The following TMEM11 variants were observed in gnomAD, a reference collection of about 807,000 sequenced individuals.
TMEM11 encodes the protein transmembrane protein 11.
Under a neutral mutation model 17.0 loss-of-function variants are expected in TMEM11, and 1 was observed. The observed-to-expected ratio is 0.06, with a 90% CI of 0.02 to 0.28. The LOEUF (loss-of-function observed/expected upper bound fraction) is 0.28. Ranked by LOEUF, TMEM11 falls within the 10% of genes least tolerant of loss-of-function variation. The pLI, the probability that TMEM11 is intolerant of heterozygous loss-of-function variation, is 1.00. For synonymous variants in TMEM11, 122 were observed against 118.1 expected (o/e 1.03, Z -0.21); for missense variants, 172 against 252.9 (o/e 0.68, Z 2.17).
rs201185148 is a variant in TMEM11, at chr17:21,199,087, C to CGG, written c.63-249_63-248dup. Among the ~76,000 whole-genome samples, 293 of 151,396 alleles carry CGG rather than the reference C, an allele frequency of 1.9e-3. 1 individual carries two copies. The highest frequency in any genetic ancestry group is 3.0e-3 in the Non-Finnish European group (206 of 67,810). ...CTGTAATCCTAGCACTTTGGGAGGC[C>CGG]GGGGGGGCGGATCATGAGGTCAGGA... On this transcript the variant is annotated intron_variant, in intron 1 of 1. Transcript: ENST00000317635.
At chr17:21,211,587 G>A (rs1413085153) in intron 1 of TMEM11, among the ~76,000 whole-genome samples, 4 of 152,242 alleles carry the variant, frequency 2.6e-5, no homozygotes, top group Non-Finnish European at 5.9e-5. Context: ...CACGCTACAC[G>A]TGCTAAACTG....
rs535227109 is a variant in TMEM11, at chr17:21,210,037, A to AC, written c.62+4053dup. Among the ~76,000 whole-genome samples the AC allele has an allele frequency of 2.2e-3, 335 of 151,922 alleles. 1 individual carries two copies. The highest frequency in any genetic ancestry group is 3.7e-3 in the Non-Finnish European group (249 of 67,946). Reference sequence around the variant, plus strand: ...CGGTCATGGAGTGCTGCCCAACTCCACCCCCCGCACCTCGCTCATTGAAGA... The same window carrying AC: ...CGGTCATGGAGTGCTGCCCAACTCCACCCCCCCGCACCTCGCTCATTGAAGA... On this transcript the variant is annotated intron_variant, in intron 1 of 1. Transcript: ENST00000317635.
At chr17:21,203,365 C>T (rs1974904210) in intron 1 of TMEM11, among the ~76,000 whole-genome samples, 1 of 152,190 alleles carries the variant, frequency 6.6e-6, no homozygotes, top group Non-Finnish European at 1.5e-5. Context: ...CACTGCTGGG[C>T]CCTTGGGTTC....
chr17:21,203,125 G>C, intron 1 of TMEM11, among the ~76,000 whole-genome samples: 1 of 152,324 alleles, frequency 6.6e-6, no homozygotes, highest in East Asian at 1.9e-4. Context: ...TTTCCACTGG[G>C]AAAGGACAAC....
At chr17:21,213,803 C>T (rs1205217237) in intron 1 of TMEM11, 1 of 458,526 alleles carries the variant, frequency 2.2e-6, no homozygotes, top group East Asian at 4.2e-5. Context: ...CTGCGCTGGG[C>T]GCCAGTTCCT....
chr17:21,198,866 G>C lies in TMEM11; in HGVS notation c.63-26C>G. On this transcript the variant is annotated intron_variant, in intron 1 of 1. Coordinates refer to ENST00000317635, the MANE Select transcript of TMEM11 (RefSeq NM_003876.3). This position sits in a 1 kb window ranked among gnomAD's most constrained non-coding sequence, Gnocchi z 6.5. ...CTTTTGATGGAGGGGGCAGGAAAGG[G>C]AGAGAGAGAGAGAGACAGGATGATT... 7.7e-6 allele frequency: 10 copies of C among 1,290,820 alleles called. No individual in the cohort carries two copies. Among genetic ancestry groups the C allele is most frequent in the African/African-American group, 3.0e-5 (2 of 67,222 alleles). The allele number at this position is 1,290,820 out of a possible 1,614,324, so 80.0% of individuals were successfully genotyped here. A position where few individuals can be genotyped will look rare whatever the true frequency, so the allele number is the denominator to read the frequency against.
intron 1 of TMEM11, among the ~76,000 whole-genome samples, chr17:21,199,499 C>T (rs1050385469): frequency 1.3e-5 from 2 of 152,252 alleles, no homozygotes; most frequent in Admixed American, 6.5e-5. Context: ...GGAGCACACA[C>T]GGCAGCAGAG....
intron 1 of TMEM11, among the ~76,000 whole-genome samples, chr17:21,207,195 G>A (rs1482108437): frequency 6.6e-6 from 1 of 152,128 alleles, no homozygotes; most frequent in African/African-American, 2.4e-5. Context: ...TTCACATATT[G>A]TAAACATAAC....
chr17:21,203,283 T>TCAGCACTCCAACTTCCTGGTA (rs1974903066), intron 1 of TMEM11, among the ~76,000 whole-genome samples: 1 of 152,162 alleles, frequency 6.6e-6, no homozygotes, highest in Admixed American at 6.5e-5. Context: ...GACCAGGCAG[T>TCAGCACTCCAACTTCCTGGTA]CAGCACTCCA....
chr17:21,214,064 T>C, intron 1 of TMEM11, 27 bp downstream of exon 1: 1 of 1,602,802 alleles, frequency 6.2e-7, no homozygotes, highest in Non-Finnish European at 8.5e-7. Flanking sequence ...CCGCCTGCAC[T>C]GGGGGCAACA....
intron 1 of TMEM11, among the ~76,000 whole-genome samples, chr17:21,209,673 G>A (rs1974981700): frequency 6.6e-6 from 1 of 152,184 alleles, no homozygotes; most frequent in African/African-American, 2.4e-5. Flanking sequence ...GGAGGCTGGG[G>A]TGGGAGAATG....
Position 21,198,552 on chromosome 17 carries a change from G to A in TMEM11, c.351C>T (p.Ala117=). 3 of 1,614,222 alleles carry A rather than the reference G, an allele frequency of 1.9e-6. No homozygotes were observed. The highest frequency in any genetic ancestry group is 2.2e-5 in the South Asian group (2 of 91,088). Residue 117 remains alanine, a synonymous_variant, in exon 2 of 2, where the codon GCC becomes GCT. Coordinates refer to ENST00000317635, the MANE Select transcript of TMEM11 (RefSeq NM_003876.3). This position sits in a 1 kb window ranked among gnomAD's most constrained non-coding sequence, Gnocchi z 6.5. ...ISLPAGVLSL[A]CCTLYGISWQ... Reference sequence around the variant, plus strand: ...AGGAGATCCCATAGAGGGTGCAGCAGGCCAGGCTCAGCACACCAGCGGGCA... The same window carrying A: ...AGGAGATCCCATAGAGGGTGCAGCAAGCCAGGCTCAGCACACCAGCGGGCA...
rs891260702 is a variant in TMEM11 at position 21,197,954 on chromosome 17, T to G, written c.*370A>C. ...TCATGGAAAGAGAGAACAGCGGGAGTTGAAATTCTCATAATTTTAATGATC... is the reference window on the plus strand; with the variant it reads ...TCATGGAAAGAGAGAACAGCGGGAGGTGAAATTCTCATAATTTTAATGATC... On this transcript the variant is annotated 3_prime_UTR_variant, in exon 2 of 2. Transcript: ENST00000317635. 6.0e-6 allele frequency: 1 copy of G among 166,518 alleles called. No individual in the cohort carries two copies. Among genetic ancestry groups the G allele is most frequent in the Non-Finnish European group, 1.3e-5 (1 of 78,352 alleles). 10.3% of individuals were successfully genotyped at this position (166,518 alleles called of 1,614,324 possible).
At chr17:21,210,720 G>T (rs1974993750) in intron 1 of TMEM11, among the ~76,000 whole-genome samples, 7 of 152,220 alleles carry the variant, frequency 4.6e-5, no homozygotes, top group Admixed American at 4.6e-4. Flanking sequence ...TCAGCCCAGG[G>T]AACTGGCTGC....
At chr17:21,212,698 C>A (rs1975015569) in intron 1 of TMEM11, among the ~76,000 whole-genome samples, 1 of 152,248 alleles carries the variant, frequency 6.6e-6, no homozygotes. Flanking sequence ...TGAGGCATCC[C>A]TATTCGGCTC....
At position 21,198,865 on chromosome 17, in the gene TMEM11, G is replaced by GGA. The variant is rs140532270; in HGVS notation, c.63-27_63-26dup. 3.1e-3 allele frequency: 4,782 copies of GGA among 1,549,650 alleles called. 71 individuals carry two copies. The Admixed American group carries it at 0.065, about 21-fold the overall frequency. ...CCTTTTGATGGAGGGGGCAGGAAAGGGAGAGAGAGAGAGAGACAGGATGAT... is the reference window on the plus strand; with the variant it reads ...CCTTTTGATGGAGGGGGCAGGAAAGGGAGAGAGAGAGAGAGAGACAGGATGAT... On this transcript the variant is annotated intron_variant, in intron 1 of 1. Transcript: ENST00000317635. The surrounding 1 kb of genome is among the most constrained non-coding windows in gnomAD (Gnocchi z 6.5).
chr17:21,204,435 TAAA>T (rs71160127), intron 1 of TMEM11, among the ~76,000 whole-genome samples: 57 of 96,826 alleles, frequency 5.9e-4, no homozygotes, highest in South Asian at 2.0e-3. Flanking sequence ...TCCGTCTCAA[TAAA>T]AAAAAAAAAA....
chr17:21,200,006 A>G (rs184433257), intron 1 of TMEM11, among the ~76,000 whole-genome samples: 446 of 152,362 alleles, frequency 2.9e-3, no homozygotes, highest in African/African-American at 0.01. Flanking sequence ...ACTCATTTGC[A>G]TAAGAAACAC....
intron 1 of TMEM11, among the ~76,000 whole-genome samples, chr17:21,210,002 CG>C (rs1385541062): frequency 6.6e-6 from 1 of 152,158 alleles, no homozygotes; most frequent in African/African-American, 2.4e-5. Flanking sequence ...AGGAGGTTCC[CG>C]GGTGTGCTCG....
Sources: allele counts gnomAD v4.1 joint callset (sites outside exome capture counted in the v4.1 genomes callset), GRCh38; gene constraint gnomAD v4.1.1; non-coding constraint Gnocchi (gnomAD v3.1); transcripts MANE v1.5; gene names NCBI Gene and HGNC (gene_info 2026-07-23, HGNC 2026-07-21).